The following MAML3 variants were observed in gnomAD, a reference collection of about 807,000 sequenced individuals.
MAML3 encodes mastermind like transcriptional coactivator 3, also known as mastermind-like protein 3.
A neutral mutation model predicts 101.9 loss-of-function variants in MAML3; 27 were observed. That is an observed-to-expected ratio of 0.27 (90% CI 0.20 to 0.37). The LOEUF is 0.37. MAML3 is among the 10% of genes least tolerant of loss of function. The pLI, the probability that MAML3 is intolerant of heterozygous loss-of-function variation, is 1.00. For synonymous variants in MAML3, 501 were observed against 555.9 expected (o/e 0.90, Z 1.39); for missense variants, 1,316 against 1,444.9 (o/e 0.91, Z 1.45).
At chr4:139,777,922 T>C (rs1482881519) in intron 2 of MAML3, among the ~76,000 whole-genome samples, 2 of 152,322 alleles carry the variant, frequency 1.3e-5, no homozygotes, top group South Asian at 2.1e-4. Context: ...TTGCTCTCTT[T>C]GTGCCAGCTG....
chr4:140,140,615 T>C (rs1490859651), intron 1 of MAML3, among the ~76,000 whole-genome samples: 1 of 152,160 alleles, frequency 6.6e-6, no homozygotes, highest in Non-Finnish European at 1.5e-5. Context: ...AAAAAAAGGC[T>C]AAACCAAATC....
At chr4:139,875,155 C>A (rs1732087105) in intron 2 of MAML3, among the ~76,000 whole-genome samples, 1 of 152,028 alleles carries the variant, frequency 6.6e-6, no homozygotes, top group Admixed American at 6.5e-5. Context: ...GTTATATAAC[C>A]CGCCCAAGGT....
intron 1 of MAML3, among the ~76,000 whole-genome samples, chr4:139,933,762 C>G (rs534009119): frequency 6.6e-6 from 1 of 152,258 alleles, no homozygotes; most frequent in African/African-American, 2.4e-5. Flanking sequence ...ATTACAGTAA[C>G]AGGCAGCTTG....
intron 2 of MAML3, among the ~76,000 whole-genome samples, chr4:139,787,382 A>G (rs1396865207): frequency 6.6e-6 from 1 of 152,234 alleles, no homozygotes; most frequent in Non-Finnish European, 1.5e-5. Flanking sequence ...ACCATGGGAC[A>G]CTAGAACCAA....
chr4:139,804,404 T>A (rs1319152867), intron 2 of MAML3, among the ~76,000 whole-genome samples: 1 of 151,940 alleles, frequency 6.6e-6, no homozygotes, highest in South Asian at 2.1e-4. Flanking sequence ...GTAGCTGAGA[T>A]TACAGGTGCC....
intron 1 of MAML3, among the ~76,000 whole-genome samples, chr4:140,135,086 G>A (rs1285677001): frequency 2.0e-5 from 3 of 152,212 alleles, no homozygotes; most frequent in Non-Finnish European, 4.4e-5. Context: ...CCACAGTGGA[G>A]CACACTCACA....
intron 2 of MAML3, among the ~76,000 whole-genome samples, chr4:139,757,445 T>C (rs1729675671): frequency 6.6e-6 from 1 of 151,822 alleles, no homozygotes; most frequent in African/African-American, 2.4e-5. Flanking sequence ...AGGTCAGGAG[T>C]TCGAGACCAG....
intron 2 of MAML3, among the ~76,000 whole-genome samples, chr4:139,839,850 A>T (rs1578625929): frequency 6.6e-6 from 1 of 152,086 alleles, no homozygotes; most frequent in Admixed American, 6.5e-5. Flanking sequence ...GGTGGCATGG[A>T]GGCGAGGGGA....
intron 1 of MAML3, among the ~76,000 whole-genome samples, chr4:140,124,654 GA>G (rs1728658227): frequency 6.6e-6 from 1 of 152,212 alleles, no homozygotes; most frequent in South Asian, 2.1e-4. Context: ...GGAACAGCTA[GA>G]AAAGTAGATT....
At position 139,822,681 on chromosome 4, in the gene MAML3, A is replaced by G. The variant is rs530644552; in HGVS notation, c.2079+66676T>C. ...TACACACAAACATCAAGATGTTAGC[A>G]GGATGGCTGCCTGCACTGGGCAGAA... is the stretch of plus-strand genomic sequence containing the variant. On this transcript the variant is annotated intron_variant, in intron 2 of 4. Coordinates refer to ENST00000509479, the MANE Select transcript of MAML3 (RefSeq NM_018717.5). 4.6e-5 allele frequency among the ~76,000 whole-genome samples: 7 copies of G among 152,362 alleles called. No homozygotes were observed. The East Asian group carries it at 1.4e-3, about 29-fold the overall frequency.
intron 1 of MAML3, among the ~76,000 whole-genome samples, chr4:140,152,380 A>G (rs951562247): frequency 2.0e-5 from 3 of 152,080 alleles, no homozygotes; most frequent in Admixed American, 2.0e-4. Flanking sequence ...AGAACCTGCG[A>G]CAGCATCAAT....
intron 1 of MAML3, among the ~76,000 whole-genome samples, chr4:140,073,820 C>G (rs1415954319): frequency 6.6e-6 from 1 of 151,948 alleles, no homozygotes; most frequent in African/African-American, 2.4e-5. Context: ...TGGTTTGGAG[C>G]AGGGAGCAAA....
At chr4:140,038,813 C>G (rs1448124706) in intron 1 of MAML3, among the ~76,000 whole-genome samples, 1 of 152,160 alleles carries the variant, frequency 6.6e-6, no homozygotes, top group Non-Finnish European at 1.5e-5. Flanking sequence ...AACGACAGGG[C>G]AACTTCTGCA....
At chr4:139,881,832 C>G (rs1337251325) in intron 2 of MAML3, among the ~76,000 whole-genome samples, 3 of 152,128 alleles carry the variant, frequency 2.0e-5, no homozygotes, top group Non-Finnish European at 4.4e-5. Context: ...CTCTGAGTAG[C>G]TGGGACAACA....
At chr4:140,025,752 T>C (rs1441196855) in intron 1 of MAML3, among the ~76,000 whole-genome samples, 1 of 152,184 alleles carries the variant, frequency 6.6e-6, no homozygotes, top group Non-Finnish European at 1.5e-5. Flanking sequence ...TTCGACTTCA[T>C]CTAGAAGTGT....
At chr4:140,125,814 T>TG (rs778151915) in intron 1 of MAML3, among the ~76,000 whole-genome samples, 1 of 152,220 alleles carries the variant, frequency 6.6e-6, no homozygotes, top group Non-Finnish European at 1.5e-5. Flanking sequence ...AGTCTTGCTC[T>TG]GTCGCCCAGG....
chr4:139,846,581 C>T (rs1578628633), intron 2 of MAML3, among the ~76,000 whole-genome samples: 2 of 152,170 alleles, frequency 1.3e-5, no homozygotes, highest in East Asian at 3.8e-4. Context: ...CTCCTGGGCT[C>T]AAGCAATCCA....
intron 2 of MAML3, among the ~76,000 whole-genome samples, chr4:139,759,648 T>G (rs1326835434): frequency 6.6e-6 from 1 of 152,274 alleles, no homozygotes; most frequent in Non-Finnish European, 1.5e-5. Flanking sequence ...CCTTGTTTTG[T>G]GCTTTCTTTA....
At chr4:139,886,895 T>C (rs986171815) in intron 2 of MAML3, among the ~76,000 whole-genome samples, 2 of 152,240 alleles carry the variant, frequency 1.3e-5, no homozygotes, top group Admixed American at 1.3e-4. Flanking sequence ...TGGCATTTTA[T>C]ACAAATGTTC....
Sources: gnomAD v4.1 joint callset for allele counts (sites outside exome capture counted in the v4.1 genomes callset) on GRCh38, gnomAD v4.1.1 for gene constraint, MANE v1.5 for transcripts, NCBI Gene and HGNC (gene_info 2026-07-23, HGNC 2026-07-21) for gene names.